Variants in GRM3 observed in about 807,000 individuals in gnomAD.
GRM3 encodes the protein metabotropic glutamate receptor 3.
In GRM3, 26 loss-of-function variants were observed where a neutral mutation model predicts 70.5. The observed-to-expected ratio is 0.37, with a 90% CI of 0.27 to 0.51. The LOEUF (loss-of-function observed/expected upper bound fraction) is 0.51. Ranked by LOEUF, GRM3 falls within the 20% of genes least tolerant of loss-of-function variation. The pLI is 0.93. For missense variants in GRM3, 859 were observed against 1,123.8 expected (o/e 0.76, Z 3.37); for synonymous variants, 443 against 434.9 (o/e 1.02, Z -0.23).
chr7:86,645,985 G>T (rs1270696983), intron 1 of GRM3, among the ~76,000 whole-genome samples: 2 of 22,024 alleles, frequency 9.1e-5, no homozygotes, highest in African/African-American at 4.1e-4. Context: ...TGTGGTGGGC[G>T]GGGGGGTGGG....
intron 1 of GRM3, among the ~76,000 whole-genome samples, chr7:86,666,788 G>A (rs912932330): frequency 6.6e-6 from 1 of 151,992 alleles, no homozygotes; most frequent in African/African-American, 2.4e-5. Flanking sequence ...AAACTAATTC[G>A]AGATGCAACC....
intron 5 of GRM3, among the ~76,000 whole-genome samples, chr7:86,852,609 T>TA (rs535925661): frequency 2.0e-5 from 3 of 152,060 alleles, no homozygotes; most frequent in Admixed American, 1.3e-4. Flanking sequence ...AACTTTTTTT[T>TA]AAAAAAGGTC....
At chr7:86,665,307 A>G (rs1336640399) in intron 1 of GRM3, among the ~76,000 whole-genome samples, 25 of 152,070 alleles carry the variant, frequency 1.6e-4, no homozygotes. Context: ...AGACTTCAAT[A>G]TACTATCTAC....
At chr7:86,811,541 G>A (rs1228692116) in intron 3 of GRM3, among the ~76,000 whole-genome samples, 4 of 151,652 alleles carry the variant, frequency 2.6e-5, no homozygotes, top group African/African-American at 9.7e-5. Context: ...CACCATCAAT[G>A]ACAAATATTC....
At position 86,756,100 on chromosome 7, in the gene GRM3, G is replaced by A. The variant is rs144910594; in HGVS notation, c.-140-8906G>A. Among the ~76,000 whole-genome samples, 239 of 152,146 alleles carry A rather than the reference G, an allele frequency of 1.6e-3. 7 individuals are homozygous for A. In the East Asian group the frequency reaches 0.032, roughly 20 times the overall value. ...TTTGTTTGTTTTTGTTTCCTGAAAT[G>A]GAGTTTAACTTCTGTGCCCCCAGAC... On this transcript the variant is annotated intron_variant, in intron 1 of 5. Transcript: ENST00000361669.
In GRM3 at chr7:86,839,628, T is replaced by C; in HGVS notation, c.2114T>C (p.Val705Ala). ...CTGGTGCAAATTGTGATGGTGTCTG[T>C]GTGGCTCATCCTGGAGGCCCCAGGC... The part of the protein sequence containing the change: ...LILVQIVMVS[V>A]WLILEAPGTR... Residue 705 changes from valine to alanine, a missense_variant, in exon 4 of 6, where the codon GTG (valine) becomes GCG (alanine). Physicochemically the swap from Val to Ala is moderately conservative, Grantham distance 64. Transcript: ENST00000361669. The surrounding 1 kb of genome is among the most constrained non-coding windows in gnomAD (Gnocchi z 4.5). 2 of 1,614,008 alleles carry C rather than the reference T, an allele frequency of 1.2e-6. No individual in the cohort carries two copies. The highest frequency in any genetic ancestry group is 1.1e-5 in the South Asian group (1 of 91,072).
chr7:86,757,703 T>G (rs1796381126), intron 1 of GRM3, among the ~76,000 whole-genome samples: 1 of 152,158 alleles, frequency 6.6e-6, no homozygotes, highest in African/African-American at 2.4e-5. Flanking sequence ...AGACTGCCAC[T>G]GCTACATGGC....
intron 1 of GRM3, among the ~76,000 whole-genome samples, chr7:86,656,260 C>CTTTTTTTTT (rs1165969016): frequency 8.4e-4 from 70 of 83,260 alleles, no homozygotes; most frequent in Middle Eastern, 0.012. Flanking sequence ...ATACTATGTT[C>CTTTTTTTTT]TTTTTTTTTT....
At chr7:86,696,694 AGTG>A (rs200448311) in intron 1 of GRM3, among the ~76,000 whole-genome samples, 3 of 151,356 alleles carry the variant, frequency 2.0e-5, no homozygotes, top group African/African-American at 4.8e-5. Context: ...CTGTAGTAAT[AGTG>A]GTGGTGGTGG....
intron 2 of GRM3, among the ~76,000 whole-genome samples, chr7:86,783,827 G>C (rs774103106): frequency 6.6e-6 from 1 of 152,028 alleles, no homozygotes; most frequent in African/African-American, 2.4e-5. Context: ...TCTGAATATC[G>C]TAAGTTTGAC....
chr7:86,776,533 A>C (rs1796896782), intron 2 of GRM3, among the ~76,000 whole-genome samples: 1 of 151,992 alleles, frequency 6.6e-6, no homozygotes, highest in Admixed American at 6.6e-5. Flanking sequence ...TAATCATTTA[A>C]GGAAATATTA....
chr7:86,709,315 A>G (rs975849112), intron 1 of GRM3, among the ~76,000 whole-genome samples: 2 of 151,988 alleles, frequency 1.3e-5, no homozygotes, highest in African/African-American at 4.8e-5. Context: ...GGCTCTCCCC[A>G]GACAAACTTG....
At chr7:86,719,627 G>A (rs1795407515) in intron 1 of GRM3, among the ~76,000 whole-genome samples, 1 of 152,034 alleles carries the variant, frequency 6.6e-6, no homozygotes, top group African/African-American at 2.4e-5. Context: ...AAGGAAGGAA[G>A]AAGGGGATGC....
chr7:86,699,733 A>C (rs112440779), intron 1 of GRM3, among the ~76,000 whole-genome samples: 1,688 of 152,168 alleles, frequency 0.011, 21 homozygotes, highest in Middle Eastern at 0.044. Flanking sequence ...AGAAATTAAC[A>C]AAATGGTTTT....
intron 1 of GRM3, among the ~76,000 whole-genome samples, chr7:86,726,423 C>A (rs374560141): frequency 1.3e-5 from 2 of 152,118 alleles, no homozygotes; most frequent in East Asian, 3.9e-4. Context: ...CTCTGATTAT[C>A]CTCATTTCTA....
intron 3 of GRM3, among the ~76,000 whole-genome samples, chr7:86,816,246 C>T (rs1313688221): frequency 6.6e-6 from 1 of 151,828 alleles, no homozygotes; most frequent in Admixed American, 6.6e-5. Flanking sequence ...GCTATTATTG[C>T]CTTTCAACAA....
At chr7:86,851,031 T>C (rs1016070570) in intron 5 of GRM3, among the ~76,000 whole-genome samples, 16 of 152,140 alleles carry the variant, frequency 1.1e-4, no homozygotes, top group Non-Finnish European at 2.1e-4. Flanking sequence ...CAATGAAAAG[T>C]GCTACATTCC....
rs991209601 is a variant in GRM3, at chr7:86,817,108, C to G, written c.1325-21731C>G. On this transcript the variant is annotated intron_variant, in intron 3 of 5. Transcript: ENST00000361669. ...CTCCGATTTGGGAATATGGGCAGAGCTTAGGGGAAATGAAGCTTGTCAAGG... is the reference window on the plus strand; with the variant it reads ...CTCCGATTTGGGAATATGGGCAGAGGTTAGGGGAAATGAAGCTTGTCAAGG... Among the ~76,000 whole-genome samples, 23 of 151,948 alleles carry G rather than the reference C, an allele frequency of 1.5e-4. 1 individual carries two copies. The highest frequency in any genetic ancestry group is 3.4e-3 in the Middle Eastern group (1 of 294).
intron 3 of GRM3, among the ~76,000 whole-genome samples, chr7:86,836,629 T>C (rs1320234995): frequency 6.6e-6 from 1 of 152,142 alleles, no homozygotes; most frequent in East Asian, 1.9e-4. Flanking sequence ...ATCTCCCTCC[T>C]CCCATCTTCT....
Sources: allele counts gnomAD v4.1 joint callset (sites outside exome capture counted in the v4.1 genomes callset), GRCh38; gene constraint gnomAD v4.1.1; non-coding constraint Gnocchi (gnomAD v3.1); transcripts MANE v1.5; gene names NCBI Gene and HGNC (gene_info 2026-07-23, HGNC 2026-07-21).